Variants in JAK1 observed in about 807,000 individuals in gnomAD.
JAK1 encodes the protein Janus kinase 1, also known as tyrosine-protein kinase JAK1.
In JAK1, 16 loss-of-function variants were observed where a neutral mutation model predicts 136.6. The ratio of observed to expected loss-of-function variants is 0.12; its 90% CI spans 0.08 to 0.18. The LOEUF (loss-of-function observed/expected upper bound fraction) is 0.18, where lower values mean the gene tolerates loss of function less well. JAK1 is among the 10% of genes least tolerant of loss of function. The pLI is 1.00. For synonymous variants in JAK1, 492 were observed against 519.5 expected (o/e 0.95, Z 0.72); for missense variants, 859 against 1,450.1 (o/e 0.59, Z 6.62).
intron 1 of JAK1, among the ~76,000 whole-genome samples, chr1:65,060,919 G>C (rs1647763993): frequency 6.6e-6 from 1 of 152,128 alleles, no homozygotes; most frequent in South Asian, 2.1e-4. Flanking sequence ...TCATGCTACA[G>C]TAAGAAAAAA....
chr1:64,986,080 T>C, intron 2 of JAK1: 3 of 1,076,696 alleles, frequency 2.8e-6, no homozygotes, highest in Non-Finnish European at 4.2e-6. Flanking sequence ...GGGGTGACCT[T>C]CTATGTCCCC....
chr1:64,982,202 G>A (rs1035669582), intron 2 of JAK1, among the ~76,000 whole-genome samples: 4 of 152,102 alleles, frequency 2.6e-5, no homozygotes, highest in Admixed American at 1.3e-4. Flanking sequence ...TGAAGATTTC[G>A]AGTGTTAAGT....
intron 1 of JAK1, among the ~76,000 whole-genome samples, chr1:65,047,668 G>A (rs1257708600): frequency 4.0e-5 from 6 of 151,402 alleles, no homozygotes; most frequent in Admixed American, 6.6e-5. Flanking sequence ...GCAGTGCGCC[G>A]AGATCACGCC....
chr1:64,839,093 C>CTGAG (rs1557620262), intron 20 of JAK1, among the ~76,000 whole-genome samples: 1 of 141,196 alleles, frequency 7.1e-6, no homozygotes, highest in Admixed American at 7.3e-5. Flanking sequence ...TTGCAGTGAG[C>CTGAG]CGAGATTGCG....
intron 1 of JAK1, among the ~76,000 whole-genome samples, chr1:64,928,407 G>A (rs561371865): frequency 7.2e-5 from 11 of 152,266 alleles, no homozygotes; most frequent in Middle Eastern, 3.4e-3. Context: ...CCAAAATCAC[G>A]CATTTCCCTT....
intron 5 of JAK1, among the ~76,000 whole-genome samples, chr1:64,871,633 A>G (rs1657080729): frequency 6.6e-6 from 1 of 152,122 alleles, no homozygotes; most frequent in Non-Finnish European, 1.5e-5. Context: ...ACATCACCCA[A>G]AACAGAAACC....
At chr1:64,836,980 G>A in intron 22 of JAK1, among the ~76,000 whole-genome samples, 1 of 152,152 alleles carries the variant, frequency 6.6e-6, no homozygotes, top group African/African-American at 2.4e-5. Flanking sequence ...CCTATTCCAT[G>A]ATCTGACCTC....
chr1:64,860,039 AT>A (rs1425508026), intron 9 of JAK1, 65 bp downstream of exon 9: 4 of 1,307,172 alleles, frequency 3.1e-6, no homozygotes, highest in Non-Finnish European at 4.1e-6. Flanking sequence ...CAATGATGAC[AT>A]GCCCCATCAC....
At chr1:64,949,858 T>C (rs1557717599) in intron 1 of JAK1, among the ~76,000 whole-genome samples, 1 of 152,224 alleles carries the variant, frequency 6.6e-6, no homozygotes, top group Non-Finnish European at 1.5e-5. Flanking sequence ...AAAGGTTCCC[T>C]ACAATATTCT....
intron 2 of JAK1, among the ~76,000 whole-genome samples, chr1:64,995,416 T>G (rs980349443): frequency 1.3e-5 from 2 of 152,178 alleles, no homozygotes; most frequent in African/African-American, 4.8e-5. Flanking sequence ...ACTAATAGCA[T>G]TGAATTAGGA....
At chr1:65,060,950 G>C (rs1007075195) in intron 1 of JAK1, among the ~76,000 whole-genome samples, 2 of 152,180 alleles carry the variant, frequency 1.3e-5, no homozygotes, top group South Asian at 2.1e-4. Context: ...CTAAGGAAGA[G>C]AGAAAACAGT....
chr1:64,844,263 GGGA>G lies in JAK1; in HGVS notation c.2252-51_2252-49del. On this transcript the variant is annotated intron_variant, in intron 16 of 24. Coordinates refer to ENST00000342505, the MANE Select transcript of JAK1 (RefSeq NM_002227.4). The surrounding 1 kb of genome is among the most constrained non-coding windows in gnomAD (Gnocchi z 5.7). ...ATGGAGCAGTTTCTGGGATCTCCTA[GGGA>G]TTCAATTACTGTCACTGCAGCCAGA... The G allele has an allele frequency of 6.2e-7, 1 of 1,608,832 alleles. No individual in the cohort carries two copies. Among genetic ancestry groups the G allele is most frequent in the South Asian group, 1.1e-5 (1 of 90,962 alleles).
intron 11 of JAK1, among the ~76,000 whole-genome samples, chr1:64,853,696 A>G (rs996147370): frequency 6.6e-6 from 1 of 152,232 alleles, no homozygotes; most frequent in African/African-American, 2.4e-5. Context: ...GCTACTGTGT[A>G]GATGAAATAA....
At position 64,984,487 on chromosome 1, in the gene JAK1, G is replaced by C. The variant is rs61400511; in HGVS notation, c.-78+59993C>G. The C allele has an allele frequency of 1.8e-3, 459 of 253,500 alleles. 3 individuals carry two copies. The highest frequency in any genetic ancestry group is 0.01 in the African/African-American group (446 of 43,946). The allele number at this position is 253,500 out of a possible 1,614,324, so 15.7% of individuals were successfully genotyped here. A position where few individuals can be genotyped will look rare whatever the true frequency, so the allele number is the denominator to read the frequency against. On this transcript the variant is annotated intron_variant, in intron 2 of 25. Coordinates refer to the JAK1 transcript ENST00000671954. The surrounding 1 kb of genome is among the most constrained non-coding windows in gnomAD (Gnocchi z 4.1). The stretch of plus-strand genomic sequence containing the variant: ...TTCAACAAGCTCCAGTCTTGTTGAG[G>C]GAGAAAGGAATCAAGTAGCAGCATT...
At chr1:64,896,635 A>G (rs1029855114) in intron 1 of JAK1, among the ~76,000 whole-genome samples, 1 of 152,002 alleles carries the variant, frequency 6.6e-6, no homozygotes, top group African/African-American at 2.4e-5. Context: ...CTCAGTAAGA[A>G]GAAAAGAAAA....
intron 2 of JAK1, among the ~76,000 whole-genome samples, chr1:65,011,644 G>A (rs1006865054): frequency 3.3e-5 from 5 of 152,170 alleles, no homozygotes; most frequent in Non-Finnish European, 5.9e-5. Flanking sequence ...TTATTTTATA[G>A]TATAAGGAGA....
chr1:64,988,479 C>T (rs192076545), intron 2 of JAK1, among the ~76,000 whole-genome samples: 20 of 152,116 alleles, frequency 1.3e-4, no homozygotes, highest in Admixed American at 9.2e-4. Context: ...GCTCCTGTCC[C>T]CCCCATAGAA....
At chr1:64,915,817 T>A (rs552009196) in intron 1 of JAK1, among the ~76,000 whole-genome samples, 17 of 152,302 alleles carry the variant, frequency 1.1e-4, no homozygotes, top group African/African-American at 4.1e-4. Flanking sequence ...ACTAGAGATG[T>A]CAGGTGAAGC....
chr1:64,944,647 T>G (rs2027051), intron 1 of JAK1, among the ~76,000 whole-genome samples: 146,817 of 152,198 alleles, frequency 0.96, 71,021 homozygotes, highest in East Asian at 1. Flanking sequence ...GGGGCAGGGG[T>G]ATATCACTAC....
Sources: gnomAD v4.1 joint callset for allele counts (sites outside exome capture counted in the v4.1 genomes callset) on GRCh38, gnomAD v4.1.1 for gene constraint, Gnocchi (gnomAD v3.1) non-coding constraint, MANE v1.5 for transcripts, NCBI Gene and HGNC (gene_info 2026-07-23, HGNC 2026-07-21) for gene names.